GOPC: variants seen among roughly 807,000 people sequenced by gnomAD.
GOPC encodes the protein golgi associated PDZ and coiled-coil motif containing, also known as Golgi-associated PDZ and coiled-coil motif-containing protein.
In GOPC, 32 loss-of-function variants were observed where a neutral mutation model predicts 51.2. The observed-to-expected ratio is 0.63, with a 90% confidence interval of 0.47 to 0.84. GOPC has a LOEUF of 0.84. Ranked by LOEUF, GOPC falls within the 40% of genes least tolerant of loss-of-function variation. GOPC has a pLI of 0.00. For synonymous variants in GOPC, 190 were observed against 205.1 expected (o/e 0.93, Z 0.63); for missense variants, 441 against 555.5 (o/e 0.79, Z 2.07).
At chr6:117,564,331 A>G (rs1779650239) in intron 8 of GOPC, among the ~76,000 whole-genome samples, 1 of 152,198 alleles carries the variant, frequency 6.6e-6, no homozygotes, top group South Asian at 2.1e-4. Context: ...TTCTACTTAT[A>G]TAAATATCTA....
At position 117,601,919 on chromosome 6, in the gene GOPC, T is replaced by C. The variant is rs1424574333; in HGVS notation, c.285+85A>G. The C allele has an allele frequency of 5.6e-6, 8 of 1,441,298 alleles. No individual in the cohort carries two copies. In the African/African-American group the frequency reaches 7.1e-5, roughly 13 times the overall value. 89.3% of individuals were successfully genotyped at this position (1,441,298 alleles called of 1,614,324 possible). On this transcript the variant is annotated intron_variant, in intron 1 of 8. Transcript: ENST00000368498. ...AGCCCCGGTGGGCAGTTTTCTAGGG[T>C]CGTTTCACTGGAGCGTTAAATGGCA...
chr6:117,568,613 T>C (rs756537106), intron 7 of GOPC, among the ~76,000 whole-genome samples: 4 of 152,190 alleles, frequency 2.6e-5, no homozygotes, highest in East Asian at 1.9e-4. Flanking sequence ...AAAAATACCA[T>C]TTTGCAGAAA....
At chr6:117,589,893 T>C (rs1177953914) in intron 1 of GOPC, among the ~76,000 whole-genome samples, 1 of 152,224 alleles carries the variant, frequency 6.6e-6, no homozygotes, top group African/African-American at 2.4e-5. Flanking sequence ...TCAATATTCT[T>C]ATTTCATGAT....
chr6:117,578,858 G>A (rs759947579), intron 2 of GOPC, 42 bp downstream of exon 2: 5 of 1,445,042 alleles, frequency 3.5e-6, no homozygotes, highest in South Asian at 1.5e-5. Flanking sequence ...TGTACACCCT[G>A]TAAAATACAT....
chr6:117,594,840 C>T (rs765685851), intron 1 of GOPC, among the ~76,000 whole-genome samples: 1 of 152,048 alleles, frequency 6.6e-6, no homozygotes, highest in Non-Finnish European at 1.5e-5. Context: ...TGTGCTGTTA[C>T]TTTAAAAAAG....
Position 117,575,229 on chromosome 6 carries a change from C to T in GOPC, c.598G>A (p.Val200Ile). The T allele has an allele frequency of 6.2e-7, 1 of 1,613,010 alleles. No individual in the cohort carries two copies. The highest frequency in any genetic ancestry group is 8.5e-7 in the Non-Finnish European group (1 of 1,179,718). ...RRHIAVLQAE[V>I]YGARLAAKYL... Reference sequence around the variant, plus strand: ...TTGGCAGCTAGTCTCGCCCCATATACTTCAGCCTGGAGAACAGCTATATGT... The same window carrying T: ...TTGGCAGCTAGTCTCGCCCCATATATTTCAGCCTGGAGAACAGCTATATGT... The change falls in exon 4 of 9, where the codon GTA becomes ATA. Residue 200 changes from valine to isoleucine, a missense_variant. Val to Ile is a conservative substitution (Grantham distance 29, BLOSUM62 3). This residue lies in a region of GOPC where 166 missense variants were observed against 267.0 expected (regional missense o/e 0.62). Transcript: ENST00000368498.
rs548252152 is a variant in GOPC, at chr6:117,582,554, A to T, written c.286-3490T>A. Among the ~76,000 whole-genome samples the T allele has an allele frequency of 4.5e-3, 688 of 151,646 alleles. 2 individuals carry two copies. Among genetic ancestry groups the T allele is most frequent in the African/African-American group, 0.015 (623 of 41,354 alleles). On this transcript the variant is annotated intron_variant, in intron 1 of 8. Transcript: ENST00000368498. ...AGTAAAGACCCCAGACTCAGCCAGT[A>T]GAGAGGAGAAGCAGCTGGACTTCGG...
intron 5 of GOPC, among the ~76,000 whole-genome samples, chr6:117,571,627 G>A (rs1779808605): frequency 6.6e-6 from 1 of 152,014 alleles, no homozygotes; most frequent in African/African-American, 2.4e-5. Flanking sequence ...TCTACACGAA[G>A]TTCATCCTCA....
At chr6:117,575,390 A>G in intron 3 of GOPC, 38 bp from the exon 4 acceptor site, 1 of 1,471,172 alleles carries the variant, frequency 6.8e-7, no homozygotes, top group East Asian at 2.3e-5. Flanking sequence ...TAATGAAAAT[A>G]AAAACTCTTT....
chr6:117,600,101 T>C (rs1394835181), intron 1 of GOPC, among the ~76,000 whole-genome samples: 1 of 152,200 alleles, frequency 6.6e-6, no homozygotes, highest in Non-Finnish European at 1.5e-5. Flanking sequence ...CTTACAGTTA[T>C]GGAGACAGAG....
intron 1 of GOPC, among the ~76,000 whole-genome samples, chr6:117,579,498 C>T (rs185756218): frequency 7.9e-5 from 12 of 152,040 alleles, no homozygotes; most frequent in Admixed American, 3.3e-4. Flanking sequence ...TTCAATCCAA[C>T]GAATACTAGC....
intron 1 of GOPC, among the ~76,000 whole-genome samples, chr6:117,591,002 G>A (rs1413400615): frequency 1.3e-5 from 2 of 152,064 alleles, no homozygotes; most frequent in African/African-American, 2.4e-5. Flanking sequence ...ACAGGCATGC[G>A]CCACCACACC....
intron 3 of GOPC, 197 bp from the exon 4 acceptor site, chr6:117,575,549 G>A (rs747164360): frequency 1.9e-5 from 14 of 750,316 alleles, no homozygotes; most frequent in Admixed American, 3.4e-5. Context: ...ATAATTGCAC[G>A]CCATGGGTTA....
chr6:117,582,538 C>T (rs776683890), intron 1 of GOPC, among the ~76,000 whole-genome samples: 5 of 151,356 alleles, frequency 3.3e-5, no homozygotes, highest in South Asian at 2.1e-4. Context: ...CAGTAAAGAC[C>T]CCAGACTCAG....
At chr6:117,594,283 C>T (rs552051834) in intron 1 of GOPC, among the ~76,000 whole-genome samples, 3 of 152,280 alleles carry the variant, frequency 2.0e-5, no homozygotes, top group East Asian at 1.9e-4. Flanking sequence ...ATTCCCTCTA[C>T]GGCAATGTTG....
chr6:117,565,753 T>C (rs1779683503), intron 8 of GOPC, among the ~76,000 whole-genome samples: 1 of 152,216 alleles, frequency 6.6e-6, no homozygotes, highest in South Asian at 2.1e-4. Context: ...ATCAGTTGTC[T>C]TTCCTGAAGT....
At chr6:117,594,220 C>G (rs887245496) in intron 1 of GOPC, among the ~76,000 whole-genome samples, 1 of 152,148 alleles carries the variant, frequency 6.6e-6, no homozygotes, top group East Asian at 1.9e-4. Context: ...AACTATCTCT[C>G]GAATCTTCAA....
At chr6:117,574,487 G>A (rs1458064379) in intron 4 of GOPC, among the ~76,000 whole-genome samples, 1 of 151,918 alleles carries the variant, frequency 6.6e-6, no homozygotes, top group Admixed American at 6.6e-5. Flanking sequence ...TTTTTTGAAG[G>A]GCAAGAAAGA....
rs1779583589 is a variant in GOPC at position 117,561,496 on chromosome 6, T to TA, written c.*1757dup. On this transcript the variant is annotated 3_prime_UTR_variant, in exon 9 of 9. Coordinates refer to ENST00000368498, the MANE Select transcript of GOPC (RefSeq NM_020399.4). ...TGGACAATTTTTTTGACTAAATAAA[T>TA]ACGGTGGCTAAAATCCAGTTTGCAG... 1 of 217,122 alleles carries TA rather than the reference T, an allele frequency of 4.6e-6. No homozygotes were observed. Among genetic ancestry groups the TA allele is most frequent in the Admixed American group, 5.8e-5 (1 of 17,184 alleles). 13.4% of individuals were successfully genotyped at this position (217,122 alleles called of 1,614,324 possible).
Sources: gnomAD v4.1 joint callset for allele counts (sites outside exome capture counted in the v4.1 genomes callset) on GRCh38, gnomAD v4.1.1 for gene constraint, gnomAD v4.1.1 regional missense constraint, MANE v1.5 for transcripts, NCBI Gene and HGNC (gene_info 2026-07-23, HGNC 2026-07-21) for gene names.